PRKG1: variants seen among roughly 807,000 people sequenced by gnomAD.
PRKG1 encodes cGMP-dependent protein kinase 1.
A neutral mutation model predicts 88.1 loss-of-function variants in PRKG1; 35 were observed. The observed-to-expected ratio is 0.40, with a 90% CI of 0.30 to 0.53. The LOEUF (loss-of-function observed/expected upper bound fraction) is 0.53. Ranked by LOEUF, PRKG1 falls within the 20% of genes least tolerant of loss-of-function variation. PRKG1 has a pLI of 0.59. For synonymous variants in PRKG1, 303 were observed against 292.5 expected (o/e 1.04, Z -0.37); for missense variants, 540 against 839.8 (o/e 0.64, Z 4.41).
chr10:51,487,497 G>A (rs7101231), intron 3 of PRKG1, among the ~76,000 whole-genome samples: 14,000 of 152,132 alleles, frequency 0.092, 2,016 homozygotes, highest in African/African-American at 0.31. Context: ...AGGGAGTTGC[G>A]GTAGTTGAGG....
At chr10:51,050,782 G>A (rs1041991639) in intron 1 of PRKG1, among the ~76,000 whole-genome samples, 1 of 152,154 alleles carries the variant, frequency 6.6e-6, no homozygotes, top group South Asian at 2.1e-4. Context: ...TCCACCAACA[G>A]GGTTACAATT....
At chr10:51,611,423 C>T (rs554032924) in intron 3 of PRKG1, among the ~76,000 whole-genome samples, 1 of 151,666 alleles carries the variant, frequency 6.6e-6, no homozygotes, top group East Asian at 1.9e-4. Context: ...TGTATGTCTT[C>T]TTTTGAGAAA....
chr10:51,277,741 A>T (rs1255353825), intron 2 of PRKG1, among the ~76,000 whole-genome samples: 2 of 152,120 alleles, frequency 1.3e-5, no homozygotes, highest in African/African-American at 4.8e-5. Flanking sequence ...AGTTCACTCA[A>T]GATTTGGCTC....
At chr10:51,458,581 C>A (rs767975940) in intron 2 of PRKG1, among the ~76,000 whole-genome samples, 2 of 152,054 alleles carry the variant, frequency 1.3e-5, no homozygotes, top group African/African-American at 4.8e-5. Context: ...AGTTATTATT[C>A]CCATTGCATT....
At chr10:51,302,020 A>G (rs1840901699) in intron 2 of PRKG1, among the ~76,000 whole-genome samples, 1 of 152,184 alleles carries the variant, frequency 6.6e-6, no homozygotes, top group Non-Finnish European at 1.5e-5. Context: ...ACCTCTCTCA[A>G]GCTACTTCAC....
chr10:51,670,642 A>G (rs890056765), intron 3 of PRKG1, among the ~76,000 whole-genome samples: 1 of 148,766 alleles, frequency 6.7e-6, no homozygotes, highest in African/African-American at 2.4e-5. Flanking sequence ...AGGCTGAGGC[A>G]GGAGAATGGC....
chr10:51,823,156 A>G (rs1839792558), intron 4 of PRKG1, among the ~76,000 whole-genome samples: 1 of 152,166 alleles, frequency 6.6e-6, no homozygotes, highest in Admixed American at 6.5e-5. Flanking sequence ...CAACACATAT[A>G]AACAACTGTT....
chr10:52,019,231 C>A (rs1198469548), intron 5 of PRKG1, among the ~76,000 whole-genome samples: 1 of 152,134 alleles, frequency 6.6e-6, no homozygotes, highest in Non-Finnish European at 1.5e-5. Context: ...CCAAACACCT[C>A]CCATTATGCT....
intron 3 of PRKG1, among the ~76,000 whole-genome samples, chr10:51,492,984 G>A (rs927599821): frequency 6.6e-6 from 1 of 152,052 alleles, no homozygotes; most frequent in Non-Finnish European, 1.5e-5. Context: ...CCAGTAATTA[G>A]TCTGTTTCTC....
chr10:51,960,004 A>G (rs1184069183), intron 5 of PRKG1, among the ~76,000 whole-genome samples: 1 of 152,138 alleles, frequency 6.6e-6, no homozygotes, highest in Admixed American at 6.6e-5. Context: ...GTGATTTTAT[A>G]TATTCTCCTA....
chr10:52,185,343 T>G (rs1189279906), intron 9 of PRKG1, among the ~76,000 whole-genome samples: 3 of 152,202 alleles, frequency 2.0e-5, no homozygotes, highest in African/African-American at 7.2e-5. Context: ...CTCCTTGGAC[T>G]CCACATCCCA....
Position 51,074,524 on chromosome 10 carries a change from G to A in PRKG1, c.-67G>A. On this transcript the variant is annotated 5_prime_UTR_variant, in exon 1 of 18. Transcript: ENST00000373980. ...GCGGCGACTTTGGGGAAAGTTGATC[G>A]GAGAGGGGAGGAAGCCTCAAGACGC... 1.9e-6 allele frequency: 3 copies of A among 1,540,138 alleles called. No homozygotes were observed. Among genetic ancestry groups the A allele is most frequent in the East Asian group, 2.3e-5 (1 of 42,918 alleles).
intron 3 of PRKG1, among the ~76,000 whole-genome samples, chr10:51,720,151 AT>A (rs1484914763): frequency 3.3e-5 from 5 of 152,310 alleles, no homozygotes; most frequent in Non-Finnish European, 7.4e-5. Context: ...GTCAATTCTC[AT>A]TTCAGAAATC....
At chr10:51,475,252 T>C (rs1392948645) in intron 3 of PRKG1, among the ~76,000 whole-genome samples, 4 of 152,000 alleles carry the variant, frequency 2.6e-5, no homozygotes, top group African/African-American at 9.7e-5. Context: ...GAACTTCAAA[T>C]GTTTACTCTA....
intron 7 of PRKG1, among the ~76,000 whole-genome samples, chr10:52,113,615 T>C (rs1341054156): frequency 1.3e-5 from 2 of 152,116 alleles, no homozygotes; most frequent in African/African-American, 4.8e-5. Context: ...GTTCTACAGG[T>C]CACAATACTA....
chr10:52,266,313 C>T lies in PRKG1; in HGVS notation c.1174-5037C>T, dbSNP rs145964647. On this transcript the variant is annotated intron_variant, in intron 10 of 17. Transcript: ENST00000373980. ...TGGTTTGCTGCACCTATCAACCCATCGCCTGGTATTAAGTCAGCATGCATT... is the reference window on the plus strand; with the variant it reads ...TGGTTTGCTGCACCTATCAACCCATTGCCTGGTATTAAGTCAGCATGCATT... Among the ~76,000 whole-genome samples, 157 of 151,900 alleles carry T rather than the reference C, an allele frequency of 1.0e-3. 1 individual carries two copies. The highest frequency in any genetic ancestry group is 1.0e-2 in the South Asian group (48 of 4,814).
intron 1 of PRKG1, among the ~76,000 whole-genome samples, chr10:51,050,293 T>C (rs2132768072): frequency 6.6e-6 from 1 of 152,120 alleles, no homozygotes; most frequent in African/African-American, 2.4e-5. Flanking sequence ...AACTAAAACC[T>C]TGTACCCTTT....
At chr10:51,856,985 A>AAAAG (rs1840700325) in intron 4 of PRKG1, among the ~76,000 whole-genome samples, 1 of 150,782 alleles carries the variant, frequency 6.6e-6, no homozygotes. Flanking sequence ...GAAAAAAAAA[A>AAAAG]AAAGAAAGAA....
At chr10:51,730,473 G>C (rs1842245542) in intron 3 of PRKG1, among the ~76,000 whole-genome samples, 1 of 152,128 alleles carries the variant, frequency 6.6e-6, no homozygotes, top group Non-Finnish European at 1.5e-5. Context: ...AAGTGGGATG[G>C]GTGAAAAACA....
Sources: allele counts gnomAD v4.1 joint callset (sites outside exome capture counted in the v4.1 genomes callset), GRCh38; gene constraint gnomAD v4.1.1; transcripts MANE v1.5; gene names NCBI Gene and HGNC (gene_info 2026-07-23, HGNC 2026-07-21).